ZNF114: variants seen among roughly 807,000 people sequenced by gnomAD.
ZNF114 encodes zinc finger protein 114.
ZNF114 carries 8 observed loss-of-function variants against 6.8 expected under a neutral mutation model. The ratio of observed to expected loss-of-function variants is 1.18; its 90% CI spans 0.69 to 2.13. The LOEUF (loss-of-function observed/expected upper bound fraction) is 2.13, where lower values mean the gene tolerates loss of function less well. Ranked by LOEUF, ZNF114 falls within the 30% of genes most tolerant of loss-of-function variation. ZNF114 has a pLI of 0.00. For missense variants in ZNF114, 472 were observed against 519.5 expected (o/e 0.91, Z 0.89); for synonymous variants, 169 against 185.5 (o/e 0.91, Z 0.72).
chr19:48,274,853 C>G (rs542071064), intron 3 of ZNF114, among the ~76,000 whole-genome samples: 1 of 152,172 alleles, frequency 6.6e-6, no homozygotes, highest in South Asian at 2.1e-4. Flanking sequence ...GTGTGCGTTT[C>G]TCTTCCAGGG....
intron 3 of ZNF114, among the ~76,000 whole-genome samples, chr19:48,276,437 G>A (rs187864992): frequency 2.6e-5 from 4 of 152,094 alleles, no homozygotes; most frequent in East Asian, 1.9e-4. Context: ...TGATGCCTCC[G>A]TACCCTGCTA....
chr19:48,274,765 C>T (rs1437467736), intron 3 of ZNF114, among the ~76,000 whole-genome samples: 1 of 151,930 alleles, frequency 6.6e-6, no homozygotes, highest in Non-Finnish European at 1.5e-5. Flanking sequence ...CTCGGCCTCC[C>T]AAAGTGCTGG....
At chr19:48,280,000 C>G (rs1440958697) in intron 4 of ZNF114, among the ~76,000 whole-genome samples, 192 bp downstream of exon 4, 1 of 152,160 alleles carries the variant, frequency 6.6e-6, no homozygotes, top group Admixed American at 6.6e-5. Flanking sequence ...GGACCACCCC[C>G]ACCCCAGTAC....
At chr19:48,285,025 T>C (rs1968081521) in intron 5 of ZNF114, among the ~76,000 whole-genome samples, 1 of 152,182 alleles carries the variant, frequency 6.6e-6, no homozygotes, top group African/African-American at 2.4e-5. Flanking sequence ...CCTGATCGTT[T>C]CCTTGATCTC....
chr19:48,275,960 T>A (rs1348354389), intron 3 of ZNF114, among the ~76,000 whole-genome samples: 1 of 142,364 alleles, frequency 7.0e-6, no homozygotes, highest in Non-Finnish European at 1.5e-5. Context: ...CCAGCCCGGG[T>A]GACAGAGTGA....
intron 5 of ZNF114, among the ~76,000 whole-genome samples, 159 bp from the exon 6 acceptor site, chr19:48,285,602 A>G (rs1968097732): frequency 6.6e-6 from 1 of 151,400 alleles, no homozygotes; most frequent in South Asian, 2.1e-4. Flanking sequence ...AAAGAAAGGA[A>G]GGAAGGAAGG....
intron 4 of ZNF114, chr19:48,281,501 CTT>C (rs3077995): frequency 0.18 from 22,394 of 126,254 alleles, 1,922 homozygotes; most frequent in Non-Finnish European, 0.22. Context: ...ATTTCCCCTT[CTT>C]TTTTTTTTTT....
chr19:48,279,856 G>T, intron 4 of ZNF114, 48 bp downstream of exon 4: 1 of 1,613,328 alleles, frequency 6.2e-7, no homozygotes, highest in Non-Finnish European at 8.5e-7. Flanking sequence ...TCGTTCCCAC[G>T]AGTCAATGTG....
intron 3 of ZNF114, among the ~76,000 whole-genome samples, chr19:48,273,046 C>T (rs539242832): frequency 3.3e-5 from 5 of 152,260 alleles, no homozygotes; most frequent in African/African-American, 9.6e-5. Flanking sequence ...CTGCCCGCCT[C>T]GGCCTCCCAA....
At chr19:48,280,328 G>A (rs1967956496) in intron 4 of ZNF114, among the ~76,000 whole-genome samples, 1 of 152,094 alleles carries the variant, frequency 6.6e-6, no homozygotes, top group Non-Finnish European at 1.5e-5. Context: ...AGGCCACAAT[G>A]AGGAGTGATC....
chr19:48,274,233 C>A (rs191796761), intron 3 of ZNF114, among the ~76,000 whole-genome samples: 1 of 150,500 alleles, frequency 6.6e-6, no homozygotes, highest in Middle Eastern at 3.2e-3. Context: ...GTTTTGAGTC[C>A]GCAATTCATT....
chr19:48,274,899 C>T (rs951309035), intron 3 of ZNF114, among the ~76,000 whole-genome samples: 4 of 152,090 alleles, frequency 2.6e-5, no homozygotes, highest in Non-Finnish European at 5.9e-5. Context: ...TTGTTCATGA[C>T]ATTTACTAGT....
chr19:48,285,228 TG>T (rs935335119), intron 5 of ZNF114, among the ~76,000 whole-genome samples: 3 of 152,210 alleles, frequency 2.0e-5, no homozygotes, highest in Non-Finnish European at 4.4e-5. Flanking sequence ...CCTGGCGCGT[TG>T]GCTCATGCCT....
chr19:48,275,187 A>C lies in ZNF114; in HGVS notation c.-70+3359A>C, dbSNP rs1196944013. ...AAGAGAGAGAGGAAGAGAGAAAGAGAGAGAGAAAAAGAGAGAGGAAGAGAG... is the reference window on the plus strand; with the variant it reads ...AAGAGAGAGAGGAAGAGAGAAAGAGCGAGAGAAAAAGAGAGAGGAAGAGAG... On this transcript the variant is annotated intron_variant, in intron 3 of 5. Transcript: ENST00000595607. Among the ~76,000 whole-genome samples, 4 of 140,870 alleles carry C rather than the reference A, an allele frequency of 2.8e-5. No homozygotes were observed. In the East Asian group the frequency reaches 9.2e-4, roughly 32 times the overall value. 92.4% of individuals were successfully genotyped at this position (140,870 alleles called of 152,430 possible).
In ZNF114 at chr19:48,286,195, A is replaced by C; in HGVS notation, c.571A>C (p.Arg191=). ...GAACATTCAGTGGGTTCCGTGTGGGAGAAAAACAGAGCTGAAATCAAGCAC... is the reference window on the plus strand; with the variant it reads ...GAACATTCAGTGGGTTCCGTGTGGGCGAAAAACAGAGCTGAAATCAAGCAC... The part of the protein sequence containing the change: ...GWNIQWVPCG[R]KTELKSSTWT... Residue 191 remains arginine, a synonymous_variant, in exon 6 of 6, where the codon AGA becomes CGA. Transcript: ENST00000595607. 6.2e-7 allele frequency: 1 copy of C among 1,614,194 alleles called. No homozygotes were observed. The highest frequency in any genetic ancestry group is 8.5e-7 in the Non-Finnish European group (1 of 1,180,034).
At chr19:48,284,211 C>T (rs1968061915) in intron 5 of ZNF114, among the ~76,000 whole-genome samples, 1 of 152,062 alleles carries the variant, frequency 6.6e-6, no homozygotes, top group Non-Finnish European at 1.5e-5. Flanking sequence ...GAAGGAATAT[C>T]TCAAAGAGAA....
chr19:48,281,289 T>C (rs1223417059), intron 4 of ZNF114, among the ~76,000 whole-genome samples: 2 of 152,152 alleles, frequency 1.3e-5, no homozygotes, highest in African/African-American at 2.4e-5. Flanking sequence ...CTCACAGTTC[T>C]GCAGGCTGGA....
At chr19:48,272,073 C>T (rs1346915964) in intron 3 of ZNF114, among the ~76,000 whole-genome samples, 1 of 152,198 alleles carries the variant, frequency 6.6e-6, no homozygotes, top group Non-Finnish European at 1.5e-5. Flanking sequence ...GCAGAGATGC[C>T]CGCATGCAGC....
chr19:48,276,225 G>A (rs909377996), intron 3 of ZNF114, among the ~76,000 whole-genome samples: 12 of 151,354 alleles, frequency 7.9e-5, no homozygotes, highest in African/African-American at 2.4e-4. Flanking sequence ...GATTACAGGC[G>A]TGTGCCACCA....
Sources: gnomAD v4.1 joint callset for allele counts (sites outside exome capture counted in the v4.1 genomes callset) on GRCh38, gnomAD v4.1.1 for gene constraint, MANE v1.5 for transcripts, NCBI Gene and HGNC (gene_info 2026-07-23, HGNC 2026-07-21) for gene names.